LGSN: variants seen among roughly 807,000 people sequenced by gnomAD.
The protein encoded by LGSN is lengsin.
A neutral mutation model predicts 19.5 loss-of-function variants in LGSN; 21 were observed. That is an observed-to-expected ratio of 1.07 (90% CI 0.76 to 1.55). LGSN has a LOEUF of 1.55. Among genes scored for constraint, LGSN ranks in the 40% most tolerant of loss-of-function variants. LGSN has a pLI of 0.00. For missense variants in LGSN, 673 were observed against 608.5 expected (o/e 1.11, Z -1.12); for synonymous variants, 257 against 215.6 (o/e 1.19, Z -1.68).
At chr6:63,452,649 A>G in the LGSN span, among the ~76,000 whole-genome samples, 10 of 97,878 alleles carry the variant, frequency 1.0e-4, no homozygotes, top group Non-Finnish European at 1.4e-4. Flanking sequence ...TTGGTATGTT[A>G]TCTTTCTCTC....
rs551322614 is a variant in LGSN, at chr6:63,315,866, C to T, written c.30+4048G>A. Among the ~76,000 whole-genome samples, 26 of 149,014 alleles carry T rather than the reference C, an allele frequency of 1.7e-4. No individual in the cohort carries two copies. In the South Asian group the frequency reaches 5.5e-3, roughly 32 times the overall value. ...CAAAATACAGAAAACTAAGGAAATC[C>T]AGGTCTTAAAAAAAAAAAAAACTCC... On this transcript the variant is annotated intron_variant, in intron 1 of 3. Transcript: ENST00000370657.
chr6:63,520,690 G>GA, the LGSN span, among the ~76,000 whole-genome samples: 2,235 of 149,922 alleles, frequency 0.015, 46 homozygotes, highest in African/African-American at 0.052. Flanking sequence ...ATAGATATCT[G>GA]AAAAAAAAGA....
chr6:63,404,421 T>C, the LGSN span, among the ~76,000 whole-genome samples: 1 of 152,170 alleles, frequency 6.6e-6, no homozygotes, highest in Admixed American at 6.6e-5. Context: ...AAGATTTCTA[T>C]TTACTATAGA....
At chr6:63,305,139 TAC>T (rs1452972366) in intron 1 of LGSN, among the ~76,000 whole-genome samples, 1 of 151,966 alleles carries the variant, frequency 6.6e-6, no homozygotes, top group Non-Finnish European at 1.5e-5. Flanking sequence ...TCCAAAACAG[TAC>T]AGTTTTTTTT....
chr6:63,505,119 C>T, the LGSN span, among the ~76,000 whole-genome samples: 1 of 151,662 alleles, frequency 6.6e-6, no homozygotes, highest in Non-Finnish European at 1.5e-5. Flanking sequence ...AAGCCCACCT[C>T]ATCCTACATT....
chr6:63,471,396 T>C, the LGSN span, among the ~76,000 whole-genome samples: 11 of 152,136 alleles, frequency 7.2e-5, no homozygotes, highest in East Asian at 1.7e-3. Context: ...CCAGGAGCAG[T>C]GGCTCATGCC....
At chr6:63,434,604 C>CAAAAAAAA in the LGSN span, among the ~76,000 whole-genome samples, 305 of 62,198 alleles carry the variant, frequency 4.9e-3, no homozygotes, top group East Asian at 7.2e-3. Context: ...ACTAAAAATT[C>CAAAAAAAA]AAAAAAAAAA....
chr6:63,548,470 C>T, the LGSN span, among the ~76,000 whole-genome samples: 2 of 152,168 alleles, frequency 1.3e-5, no homozygotes, highest in Non-Finnish European at 2.9e-5. Context: ...TACATAGGTG[C>T]TCTCAGTTTT....
chr6:63,336,163 G>A, the LGSN span, among the ~76,000 whole-genome samples: 2 of 152,160 alleles, frequency 1.3e-5, no homozygotes, highest in Non-Finnish European at 2.9e-5. Context: ...AGTAGAGTAA[G>A]GTGAGACTAT....
At chr6:63,565,051 C>T in the LGSN span, among the ~76,000 whole-genome samples, 1 of 152,124 alleles carries the variant, frequency 6.6e-6, no homozygotes, top group South Asian at 2.1e-4. Context: ...TGGTCTGTTG[C>T]CCCAGATGGA....
At chr6:63,503,904 G>A in the LGSN span, among the ~76,000 whole-genome samples, 1 of 152,052 alleles carries the variant, frequency 6.6e-6, no homozygotes, top group African/African-American at 2.4e-5. Flanking sequence ...CAACCAGAGT[G>A]AGACCCTGTC....
chr6:63,456,418 C>T, the LGSN span, among the ~76,000 whole-genome samples: 3 of 116,966 alleles, frequency 2.6e-5, no homozygotes, highest in African/African-American at 3.5e-5. Flanking sequence ...TTGGTAGAGA[C>T]GAGGGTCTGC....
the LGSN span, among the ~76,000 whole-genome samples, chr6:63,432,161 GAA>G: frequency 6.2e-5 from 5 of 81,080 alleles, no homozygotes; most frequent in African/African-American, 1.0e-4. Flanking sequence ...AAGAAAGAAA[GAA>G]AGAAAGAAAA....
the LGSN span, among the ~76,000 whole-genome samples, chr6:63,555,016 G>A: frequency 6.6e-6 from 1 of 152,170 alleles, no homozygotes; most frequent in Non-Finnish European, 1.5e-5. Flanking sequence ...ACATGTGGCT[G>A]ATATCAGAAC....
chr6:63,468,563 G>A, the LGSN span, among the ~76,000 whole-genome samples: 1 of 151,862 alleles, frequency 6.6e-6, no homozygotes, highest in East Asian at 1.9e-4. Flanking sequence ...AAGTAGCTGG[G>A]ATTACAGGTG....
intron 2 of LGSN, among the ~76,000 whole-genome samples, chr6:63,286,345 T>G (rs1035928881): frequency 1.2e-4 from 18 of 152,000 alleles, no homozygotes; most frequent in Middle Eastern, 3.2e-3. Flanking sequence ...AAAGTGTGGG[T>G]TTTTTTTAAG....
intron 1 of LGSN, among the ~76,000 whole-genome samples, chr6:63,297,238 G>A (rs1768008559): frequency 6.6e-6 from 1 of 151,908 alleles, no homozygotes; most frequent in African/African-American, 2.4e-5. Context: ...TGTTTGGGAG[G>A]CTGAGGCAGG....
the LGSN span, among the ~76,000 whole-genome samples, chr6:63,514,568 C>A: frequency 6.6e-6 from 1 of 152,198 alleles, no homozygotes; most frequent in Non-Finnish European, 1.5e-5. Context: ...TTGGAAGTGA[C>A]TTTTCTGTAA....
the LGSN span, among the ~76,000 whole-genome samples, chr6:63,496,618 C>CTT: frequency 5.3e-4 from 74 of 139,228 alleles, no homozygotes; most frequent in African/African-American, 1.3e-3. Flanking sequence ...GTATTTGCTC[C>CTT]TTTTTTTTTT....
Sources: gnomAD v4.1 joint callset for allele counts (sites outside exome capture counted in the v4.1 genomes callset) on GRCh38, gnomAD v4.1.1 for gene constraint, MANE v1.5 for transcripts, NCBI Gene and HGNC (gene_info 2026-07-23, HGNC 2026-07-21) for gene names.